Variants in DDR2 observed in about 807,000 individuals in gnomAD.
The protein encoded by DDR2 is discoidin domain-containing receptor 2.
In DDR2, 27 loss-of-function variants were observed where a neutral mutation model predicts 94.9. The ratio of observed to expected loss-of-function variants is 0.28; its 90% confidence interval spans 0.21 to 0.39. The LOEUF (loss-of-function observed/expected upper bound fraction) is 0.39, where lower values mean the gene tolerates loss of function less well. DDR2 is among the 10% of genes least tolerant of loss of function. The pLI, the probability that DDR2 is intolerant of heterozygous loss-of-function variation, is 1.00. For missense variants in DDR2, 783 were observed against 1,076.0 expected (o/e 0.73, Z 3.81); for synonymous variants, 382 against 377.2 (o/e 1.01, Z -0.15).
At chr1:162,720,200 T>C (rs984287151) in intron 3 of DDR2, among the ~76,000 whole-genome samples, 2 of 152,048 alleles carry the variant, frequency 1.3e-5, no homozygotes, top group African/African-American at 4.8e-5. Flanking sequence ...GTATACAGCT[T>C]AAATGTTCAA....
rs73020599 is a variant in DDR2 at position 162,681,032 on chromosome 1, C to T, written c.-28+25658C>T. On this transcript the variant is annotated intron_variant, in intron 2 of 17. Coordinates refer to ENST00000367921, the MANE Select transcript of DDR2 (RefSeq NM_006182.4). ...AGGAAGCATGGTAGAATGAAGAGAA[C>T]GCTGTCTGGAGCCAAAAGATCCAGA... Among the ~76,000 whole-genome samples the T allele has an allele frequency of 1.3e-3, 198 of 152,208 alleles. 1 individual carries two copies. The highest frequency in any genetic ancestry group is 4.3e-3 in the African/African-American group (179 of 41,540).
chr1:162,700,350 G>C (rs1042210712), intron 2 of DDR2, among the ~76,000 whole-genome samples: 2 of 152,130 alleles, frequency 1.3e-5, no homozygotes, highest in Non-Finnish European at 2.9e-5. Context: ...GGCTATTGTG[G>C]ACCCCATGAC....
At chr1:162,692,054 G>A (rs1278368431) in intron 2 of DDR2, among the ~76,000 whole-genome samples, 5 of 152,186 alleles carry the variant, frequency 3.3e-5, no homozygotes, top group African/African-American at 4.8e-5. Context: ...TTAAGGTCCC[G>A]TGCAGTCTAG....
chr1:162,779,701 C>T (rs1030215314), intron 17 of DDR2, among the ~76,000 whole-genome samples: 3 of 152,116 alleles, frequency 2.0e-5, no homozygotes, highest in Non-Finnish European at 2.9e-5. Context: ...AAAATTTACT[C>T]CTGAGTACAT....
upstream of DDR2, among the ~76,000 whole-genome samples, chr1:162,630,877 C>A (rs1272692985): frequency 6.6e-6 from 1 of 152,138 alleles, no homozygotes; most frequent in African/African-American, 2.4e-5. Context: ...CACCCTCAGG[C>A]CTGACTTCAG....
intron 3 of DDR2, among the ~76,000 whole-genome samples, chr1:162,751,242 A>G (rs763457909): frequency 2.0e-5 from 3 of 152,218 alleles, no homozygotes; most frequent in East Asian, 3.9e-4. Context: ...TTTGCAATGT[A>G]CCCATCTGAC....
At chr1:162,731,437 C>T (rs780790159) in intron 3 of DDR2, among the ~76,000 whole-genome samples, 4 of 151,556 alleles carry the variant, frequency 2.6e-5, no homozygotes, top group African/African-American at 7.3e-5. Flanking sequence ...CTTTGGAAGC[C>T]GACTCCAAAC....
intron 1 of DDR2, among the ~76,000 whole-genome samples, chr1:162,652,966 C>T (rs375375103): frequency 2.0e-5 from 3 of 152,140 alleles, no homozygotes; most frequent in African/African-American, 4.8e-5. Flanking sequence ...GTTAGCTGGG[C>T]GTGGTGGCAC....
chr1:162,674,886 G>A (rs1659053561), intron 2 of DDR2, among the ~76,000 whole-genome samples: 2 of 152,188 alleles, frequency 1.3e-5, no homozygotes, highest in South Asian at 4.1e-4. Flanking sequence ...GGGCATGGTG[G>A]CTCATGCCTG....
intron 1 of DDR2, among the ~76,000 whole-genome samples, chr1:162,649,364 G>A (rs1221420819): frequency 6.6e-6 from 1 of 152,110 alleles, no homozygotes; most frequent in African/African-American, 2.4e-5. Flanking sequence ...AGAAATTAGG[G>A]ACTAGAAAGT....
At chr1:162,636,334 T>A (rs1656815733) in intron 1 of DDR2, among the ~76,000 whole-genome samples, 1 of 152,150 alleles carries the variant, frequency 6.6e-6, no homozygotes, top group Non-Finnish European at 1.5e-5. Flanking sequence ...ATTCTAAACA[T>A]GGGTTTGGAC....
intron 2 of DDR2, 51 bp from the exon 3 acceptor site, chr1:162,718,986 T>G (rs1661291378): frequency 6.4e-7 from 1 of 1,568,460 alleles, no homozygotes; most frequent in African/African-American, 1.3e-5. Flanking sequence ...TCTGCCTCAC[T>G]CATTTCCTCT....
intron 3 of DDR2, among the ~76,000 whole-genome samples, chr1:162,748,348 AT>A: frequency 6.6e-6 from 1 of 152,260 alleles, no homozygotes; most frequent in Non-Finnish European, 1.5e-5. Context: ...AGGGGTTGCA[AT>A]CCTAGTCTCT....
intron 2 of DDR2, among the ~76,000 whole-genome samples, chr1:162,680,564 G>A (rs76152898): frequency 0.048 from 7,230 of 152,184 alleles, 216 homozygotes; most frequent in South Asian, 0.084. Flanking sequence ...AAGTTAAGTC[G>A]AGTAACATGA....
intron 2 of DDR2, among the ~76,000 whole-genome samples, chr1:162,660,551 G>A (rs1322236000): frequency 1.3e-5 from 2 of 152,208 alleles, no homozygotes; most frequent in African/African-American, 2.4e-5. Flanking sequence ...GTCTCCAGAT[G>A]TAATGTATAC....
At chr1:162,752,072 C>G (rs913569312) in intron 3 of DDR2, among the ~76,000 whole-genome samples, 4 of 151,640 alleles carry the variant, frequency 2.6e-5, no homozygotes, top group Non-Finnish European at 4.4e-5. Context: ...GTGCAGCACA[C>G]CAACATGGCA....
intron 9 of DDR2, among the ~76,000 whole-genome samples, chr1:162,764,388 G>T (rs567598763): frequency 1.3e-5 from 1 of 77,082 alleles, no homozygotes; most frequent in East Asian, 4.1e-4. Flanking sequence ...GATACAGAAT[G>T]CTTTAAAAAA....
chr1:162,684,718 C>T (rs2101963905), intron 2 of DDR2, among the ~76,000 whole-genome samples: 1 of 151,646 alleles, frequency 6.6e-6, no homozygotes, highest in East Asian at 1.9e-4. Context: ...AACCAACCAC[C>T]CAAAGAGGAT....
chr1:162,640,107 T>A (rs1485709215), intron 1 of DDR2, among the ~76,000 whole-genome samples: 1 of 151,348 alleles, frequency 6.6e-6, no homozygotes, highest in African/African-American at 2.4e-5. Flanking sequence ...AGTGGTGTGA[T>A]CTCGGCTCAC....
Sources: gnomAD v4.1 joint callset for allele counts (sites outside exome capture counted in the v4.1 genomes callset) on GRCh38, gnomAD v4.1.1 for gene constraint, MANE v1.5 for transcripts, NCBI Gene and HGNC (gene_info 2026-07-23, HGNC 2026-07-21) for gene names.